RTN1: variants seen among roughly 807,000 people sequenced by gnomAD.
RTN1 encodes reticulon-1.
In RTN1, 25 loss-of-function variants were observed where a neutral mutation model predicts 65.5. The ratio of observed to expected loss-of-function variants is 0.38; its 90% CI spans 0.28 to 0.53. RTN1 has a LOEUF of 0.53. Among genes scored for constraint, RTN1 ranks in the 20% least tolerant of loss-of-function variants. The probability of loss-of-function intolerance (pLI) is 0.79; values close to 1 mark genes in which losing one functional copy is unlikely to be tolerated. For synonymous variants in RTN1, 471 were observed against 447.6 expected (o/e 1.05, Z -0.66); for missense variants, 983 against 1,025.4 (o/e 0.96, Z 0.57).
rs1436981455 is a variant in RTN1, at chr14:59,849,212, A to T, written c.241+21178T>A. Among the ~76,000 whole-genome samples, 1 of 152,226 alleles carries T rather than the reference A, an allele frequency of 6.6e-6. No homozygotes were observed. Among genetic ancestry groups the T allele is most frequent in the Non-Finnish European group, 1.5e-5 (1 of 68,040 alleles). On this transcript the variant is annotated intron_variant, in intron 1 of 8. Transcript: ENST00000267484. This position sits in a 1 kb window ranked among gnomAD's most constrained non-coding sequence, Gnocchi z 4.5. ...CATTAGATCATAAAGCTAATCTAAG[A>T]AGGTATATAAAGTGTTTATCACAGT...
intron 1 of RTN1, among the ~76,000 whole-genome samples, chr14:59,786,629 G>A (rs1243351544): frequency 6.6e-6 from 1 of 152,072 alleles, no homozygotes; most frequent in Non-Finnish European, 1.5e-5. Context: ...AAAAGTATAG[G>A]ATAAAGAGGG....
intron 1 of RTN1, among the ~76,000 whole-genome samples, chr14:59,835,793 T>C (rs1203534994): frequency 6.6e-6 from 1 of 152,232 alleles, no homozygotes; most frequent in Admixed American, 6.5e-5. Context: ...ACCATGGTGA[T>C]ACAATTAATG....
intron 3 of RTN1, among the ~76,000 whole-genome samples, chr14:59,711,139 A>T (rs1202976157): frequency 6.6e-6 from 1 of 152,224 alleles, no homozygotes; most frequent in Non-Finnish European, 1.5e-5. Context: ...CAGTATTCAA[A>T]ATGAGAAGAA....
chr14:59,667,767 G>C (rs1173610423), intron 3 of RTN1, among the ~76,000 whole-genome samples: 3 of 152,138 alleles, frequency 2.0e-5, no homozygotes, highest in African/African-American at 7.2e-5. Context: ...CAAAGTCTCA[G>C]GATACAAAAT....
intron 3 of RTN1, among the ~76,000 whole-genome samples, chr14:59,641,303 G>A (rs1383246706): frequency 6.6e-6 from 1 of 151,902 alleles, no homozygotes; most frequent in African/African-American, 2.4e-5. Flanking sequence ...AATTAATCAA[G>A]TATATTTTTA....
At chr14:59,671,384 G>A (rs185024067) in intron 3 of RTN1, among the ~76,000 whole-genome samples, 3 of 152,278 alleles carry the variant, frequency 2.0e-5, no homozygotes, top group Non-Finnish European at 4.4e-5. Context: ...AACATGGAAG[G>A]AAGATTACTT....
intron 1 of RTN1, among the ~76,000 whole-genome samples, chr14:59,780,106 A>G (rs1886126218): frequency 6.6e-6 from 1 of 152,178 alleles, no homozygotes; most frequent in African/African-American, 2.4e-5. Context: ...TGCTGAGGAT[A>G]AAGGGTGAAA....
chr14:59,806,975 G>C (rs1010030318), intron 1 of RTN1, among the ~76,000 whole-genome samples: 1 of 152,152 alleles, frequency 6.6e-6, no homozygotes, highest in African/African-American at 2.4e-5. Context: ...AAAAGGCTGA[G>C]AACAAAAAAG....
chr14:59,712,421 C>T (rs1037141447), intron 3 of RTN1, among the ~76,000 whole-genome samples: 2 of 152,084 alleles, frequency 1.3e-5, no homozygotes, highest in Non-Finnish European at 2.9e-5. Flanking sequence ...CAGAAAATGA[C>T]AAATTGGGTC....
chr14:59,799,945 C>G (rs1159430487), intron 1 of RTN1, among the ~76,000 whole-genome samples: 2 of 152,122 alleles, frequency 1.3e-5, no homozygotes, highest in African/African-American at 2.4e-5. Flanking sequence ...AGAGAACTCA[C>G]CTAAAACTAA....
At chr14:59,693,220 T>C (rs1883996351) in intron 3 of RTN1, among the ~76,000 whole-genome samples, 1 of 152,208 alleles carries the variant, frequency 6.6e-6, no homozygotes, top group South Asian at 2.1e-4. Flanking sequence ...CCACCCAAAT[T>C]GAGAAGACAG....
intron 1 of RTN1, among the ~76,000 whole-genome samples, chr14:59,840,143 G>C (rs750598012): frequency 6.6e-6 from 1 of 152,076 alleles, no homozygotes; most frequent in African/African-American, 2.4e-5. Flanking sequence ...GCCTATCCTG[G>C]TTTAAAACAC....
At chr14:59,606,263 G>A (rs1429470860) in intron 4 of RTN1, among the ~76,000 whole-genome samples, 1 of 151,464 alleles carries the variant, frequency 6.6e-6, no homozygotes, top group African/African-American at 2.4e-5. Flanking sequence ...AGTGCTTTAA[G>A]TGCTTACTTA....
chr14:59,666,409 T>A (rs1004470066), intron 3 of RTN1, among the ~76,000 whole-genome samples: 2 of 152,022 alleles, frequency 1.3e-5, no homozygotes, highest in Non-Finnish European at 2.9e-5. Context: ...AAAGACACAA[T>A]GTACCAGAAT....
At chr14:59,744,178 G>T (rs1566707980) in intron 2 of RTN1, among the ~76,000 whole-genome samples, 1 of 152,158 alleles carries the variant, frequency 6.6e-6, no homozygotes, top group Non-Finnish European at 1.5e-5. Flanking sequence ...TACCATCAGG[G>T]TTTAGAGCAA....
intron 1 of RTN1, among the ~76,000 whole-genome samples, chr14:59,764,105 C>A (rs1047951348): frequency 9.9e-5 from 15 of 152,100 alleles, no homozygotes; most frequent in African/African-American, 3.4e-4. Context: ...GGAATCCGTA[C>A]ACAAATATGA....
intron 2 of RTN1, among the ~76,000 whole-genome samples, chr14:59,742,112 A>G (rs895453493): frequency 6.6e-6 from 1 of 152,214 alleles, no homozygotes; most frequent in South Asian, 2.1e-4. Context: ...TTTTTGAACA[A>G]AAGAATGAAT....
chr14:59,749,625 CTATATATAGA>C (rs1566712398), intron 1 of RTN1, among the ~76,000 whole-genome samples: 31 of 25,302 alleles, frequency 1.2e-3, no homozygotes, highest in East Asian at 3.3e-3. Context: ...ATATAGATAT[CTATATATAGA>C]TATCTATATA....
At chr14:59,782,175 C>T (rs564360979) in intron 1 of RTN1, among the ~76,000 whole-genome samples, 6 of 152,132 alleles carry the variant, frequency 3.9e-5, no homozygotes, top group Admixed American at 3.3e-4. Flanking sequence ...CCTTCCCAGC[C>T]TCTGGATCTG....
Sources: gnomAD v4.1 joint callset for allele counts (sites outside exome capture counted in the v4.1 genomes callset) on GRCh38, gnomAD v4.1.1 for gene constraint, Gnocchi (gnomAD v3.1) non-coding constraint, MANE v1.5 for transcripts, NCBI Gene and HGNC (gene_info 2026-07-23, HGNC 2026-07-21) for gene names.